The following WWOX variants were observed in gnomAD, a reference collection of about 807,000 sequenced individuals.
WWOX encodes the protein WW domain containing oxidoreductase, also known as WW domain-containing oxidoreductase.
WWOX carries 69 observed loss-of-function variants against 46.2 expected under a neutral mutation model. That is an observed-to-expected ratio of 1.49 (90% CI 1.23 to 1.82). The LOEUF is 1.82. Among genes scored for constraint, WWOX ranks in the 40% most tolerant of loss-of-function variants. The probability of loss-of-function intolerance (pLI) is 0.00; values close to 1 mark genes in which losing one functional copy is unlikely to be tolerated. For missense variants in WWOX, 919 were observed against 542.6 expected (o/e 1.69, Z -6.89); for synonymous variants, 359 against 202.6 (o/e 1.77, Z -6.56).
chr16:78,397,374 A>G (rs1227713111), intron 6 of WWOX, among the ~76,000 whole-genome samples: 2 of 152,186 alleles, frequency 1.3e-5, no homozygotes, highest in Non-Finnish European at 2.9e-5. Context: ...TTATCCTTAT[A>G]ATGACTCTAA....
chr16:78,605,001 C>CTTCCCTTT (rs1307538876), intron 8 of WWOX, among the ~76,000 whole-genome samples: 3 of 127,008 alleles, frequency 2.4e-5, no homozygotes, highest in Non-Finnish European at 4.9e-5. Context: ...TCACTCCCTC[C>CTTCCCTTT]TTCCCTTTTT....
At chr16:78,798,293 T>C (rs1290628937) in intron 8 of WWOX, among the ~76,000 whole-genome samples, 1 of 152,100 alleles carries the variant, frequency 6.6e-6, no homozygotes, top group Non-Finnish European at 1.5e-5. Flanking sequence ...CAGGCTCAGA[T>C]TGACGCTTTT....
intron 8 of WWOX, among the ~76,000 whole-genome samples, chr16:78,928,550 A>T (rs2045553087): frequency 6.6e-6 from 1 of 151,966 alleles, no homozygotes; most frequent in African/African-American, 2.4e-5. Context: ...GTGAATACTG[A>T]TTTTTCGTTA....
intron 8 of WWOX, among the ~76,000 whole-genome samples, chr16:78,446,627 G>T (rs996118344): frequency 4.7e-5 from 7 of 147,658 alleles, no homozygotes; most frequent in Non-Finnish European, 1.0e-4. Context: ...TTACTATTTG[G>T]TGAACATCGA....
At chr16:79,168,199 C>G (rs758911374) in intron 8 of WWOX, among the ~76,000 whole-genome samples, 2 of 152,142 alleles carry the variant, frequency 1.3e-5, no homozygotes, top group Non-Finnish European at 2.9e-5. Flanking sequence ...CATTTGTATA[C>G]AAGTTTCTGT....
intron 8 of WWOX, among the ~76,000 whole-genome samples, chr16:78,655,369 C>G (rs2047057510): frequency 6.6e-6 from 1 of 152,160 alleles, no homozygotes; most frequent in South Asian, 2.1e-4. Flanking sequence ...GCTTGATCTC[C>G]TCAGCCTGTG....
chr16:79,120,528 T>C (rs2049607902), intron 8 of WWOX, among the ~76,000 whole-genome samples: 1 of 152,284 alleles, frequency 6.6e-6, no homozygotes, highest in Non-Finnish European at 1.5e-5. Flanking sequence ...GTGGCTGCTG[T>C]AATAACGGCA....
intron 8 of WWOX, among the ~76,000 whole-genome samples, chr16:78,849,717 C>T (rs1386722233): frequency 6.6e-6 from 1 of 151,966 alleles, no homozygotes; most frequent in African/African-American, 2.4e-5. Context: ...AATCTTGATG[C>T]AGTGAGCAAA....
chr16:78,911,590 G>T (rs550447398), intron 8 of WWOX, among the ~76,000 whole-genome samples: 19 of 152,170 alleles, frequency 1.2e-4, no homozygotes, highest in East Asian at 9.6e-4. Flanking sequence ...ACCAGGCCGG[G>T]CACAGTGGCT....
chr16:78,254,959 G>A (rs142248022), intron 5 of WWOX, among the ~76,000 whole-genome samples: 130 of 152,292 alleles, frequency 8.5e-4, no homozygotes, highest in African/African-American at 3.0e-3. Context: ...TGGTATGGAG[G>A]GCTGGGAGGA....
intron 8 of WWOX, among the ~76,000 whole-genome samples, chr16:78,605,346 G>T (rs1597336948): frequency 6.6e-6 from 1 of 150,600 alleles, no homozygotes; most frequent in Non-Finnish European, 1.5e-5. Context: ...TTAGTGATTT[G>T]ACTTCTTAAG....
At chr16:78,416,583 C>G (rs1316388843) in intron 6 of WWOX, among the ~76,000 whole-genome samples, 1 of 152,064 alleles carries the variant, frequency 6.6e-6, no homozygotes, top group Admixed American at 6.6e-5. Context: ...GTAGCAAGTT[C>G]CTTGGTTTGC....
At chr16:78,231,921 G>A (rs1433208519) in intron 5 of WWOX, among the ~76,000 whole-genome samples, 7 of 152,012 alleles carry the variant, frequency 4.6e-5, no homozygotes, top group African/African-American at 1.7e-4. Flanking sequence ...TGCACAATAT[G>A]GAATTCAGTG....
chr16:78,486,283 T>C (rs1011914892), intron 8 of WWOX, among the ~76,000 whole-genome samples: 2 of 152,212 alleles, frequency 1.3e-5, no homozygotes, highest in Non-Finnish European at 2.9e-5. Context: ...ATTTTATGTA[T>C]GTAAAGTATT....
At chr16:78,232,979 C>A (rs186521435) in intron 5 of WWOX, among the ~76,000 whole-genome samples, 12 of 152,220 alleles carry the variant, frequency 7.9e-5, no homozygotes, top group Middle Eastern at 6.8e-3. Context: ...GTTGCTGGGA[C>A]TACAGGCGTG....
intron 8 of WWOX, among the ~76,000 whole-genome samples, chr16:79,165,819 A>G (rs575995910): frequency 1.3e-5 from 2 of 152,214 alleles, no homozygotes; most frequent in South Asian, 2.1e-4. Context: ...AACAAATTAC[A>G]TCCCTCACTC....
chr16:78,695,131 G>T (rs781485121), intron 8 of WWOX, among the ~76,000 whole-genome samples: 1 of 152,066 alleles, frequency 6.6e-6, no homozygotes. Flanking sequence ...AGGCACAAAG[G>T]TTTCATAAAT....
At chr16:78,957,027 C>G (rs1186605791) in intron 8 of WWOX, among the ~76,000 whole-genome samples, 6 of 152,156 alleles carry the variant, frequency 3.9e-5, no homozygotes, top group Non-Finnish European at 7.3e-5. Flanking sequence ...TATTCACATG[C>G]TTTATTTAAT....
At chr16:78,953,581 G>C (rs776573418) in intron 8 of WWOX, among the ~76,000 whole-genome samples, 1 of 152,204 alleles carries the variant, frequency 6.6e-6, no homozygotes, top group South Asian at 2.1e-4. Context: ...ACGGCAGAGA[G>C]TGTGTCCCCT....
Sources: gnomAD v4.1 joint callset for allele counts (sites outside exome capture counted in the v4.1 genomes callset) on GRCh38, gnomAD v4.1.1 for gene constraint, MANE v1.5 for transcripts, NCBI Gene and HGNC (gene_info 2026-07-23, HGNC 2026-07-21) for gene names.